Variants in PRSS48 observed in about 807,000 individuals in gnomAD.
PRSS48 encodes serine protease 48.
Under a neutral mutation model 25.6 loss-of-function variants are expected in PRSS48, and 21 were observed. The observed-to-expected ratio is 0.82, with a 90% CI of 0.58 to 1.18. PRSS48 has a LOEUF of 1.18. Ranked by LOEUF, PRSS48 falls within the 50% of genes most tolerant of loss-of-function variation. The pLI is 0.00. For missense variants in PRSS48, 373 were observed against 399.3 expected, an observed-to-expected ratio of 0.93 and a Z score of 0.56; for synonymous variants, 150 against 149.3, an observed-to-expected ratio of 1.00 and a Z score of -0.04.
At chr4:151,279,989 C>T in intron 2 of PRSS48, 31 bp downstream of exon 2, 1 of 1,316,350 alleles carries the variant, frequency 7.6e-7, no homozygotes, top group Non-Finnish European at 1.0e-6. Flanking sequence ...AACACACAGA[C>T]AGGTTCTCAG....
chr4:151,290,468 T>C (rs1464353693), intron 4 of PRSS48, among the ~76,000 whole-genome samples: 1 of 152,202 alleles, frequency 6.6e-6, no homozygotes, highest in African/African-American at 2.4e-5. Flanking sequence ...TCCATTTATA[T>C]GAAATGTCTA....
intron 4 of PRSS48, among the ~76,000 whole-genome samples, chr4:151,286,641 C>T (rs1195318528): frequency 1.3e-5 from 2 of 150,832 alleles, no homozygotes; most frequent in Admixed American, 1.3e-4. Context: ...AAGACCAGGT[C>T]CAGATAGAAT....
intron 4 of PRSS48, among the ~76,000 whole-genome samples, chr4:151,290,272 C>G (rs1775198076): frequency 6.6e-6 from 1 of 152,072 alleles, no homozygotes; most frequent in Non-Finnish European, 1.5e-5. Context: ...AATATAATAG[C>G]CCAAATAATG....
chr4:151,284,591 C>T (rs1366545632), intron 4 of PRSS48, among the ~76,000 whole-genome samples: 1 of 152,156 alleles, frequency 6.6e-6, no homozygotes, highest in African/African-American at 2.4e-5. Context: ...CCAACAATTG[C>T]TTTTTCTCAT....
intron 4 of PRSS48, 143 bp downstream of exon 4, chr4:151,283,429 C>T (rs1429149060): frequency 6.7e-6 from 4 of 600,378 alleles, no homozygotes; most frequent in Non-Finnish European, 1.1e-5. Flanking sequence ...GGACAAATCA[C>T]TTAACTTCTA....
In PRSS48 at chr4:151,283,296, TG is replaced by T. The variant is rs751441374; in HGVS notation, c.651+11del. 6.2e-7 allele frequency: 1 copy of T among 1,608,730 alleles called. No individual in the cohort carries two copies. The highest frequency in any genetic ancestry group is 2.2e-5 in the East Asian group (1 of 44,810). ...GAAGGATAGTTGCAAGGTCAGGGTT[TG>T]CTCTAGAGAATTTTTTTTTAAACAT... On this transcript the variant is annotated intron_variant, in intron 4 of 4. Transcript: ENST00000455694.
chr4:151,283,330 T>C, intron 4 of PRSS48, 44 bp downstream of exon 4: 1 of 1,573,250 alleles, frequency 6.4e-7, no homozygotes, highest in Non-Finnish European at 8.7e-7. Context: ...CATGAGATCT[T>C]AATTTGGATC....
intron 4 of PRSS48, among the ~76,000 whole-genome samples, chr4:151,290,617 G>T (rs1454186869): frequency 6.6e-6 from 1 of 152,144 alleles, no homozygotes; most frequent in Non-Finnish European, 1.5e-5. Context: ...GGGTTGTGGT[G>T]ATGGTTGTAC....
intron 4 of PRSS48, among the ~76,000 whole-genome samples, chr4:151,286,702 A>G (rs1329564658): frequency 6.6e-6 from 1 of 151,680 alleles, no homozygotes; most frequent in Non-Finnish European, 1.5e-5. Context: ...AATTCTGGCC[A>G]CAGGCAGTGG....
chr4:151,286,982 A>AAATAATAATAAT (rs113584974), intron 4 of PRSS48, among the ~76,000 whole-genome samples: 2,942 of 141,806 alleles, frequency 0.021, 92 homozygotes, highest in African/African-American at 0.069. Flanking sequence ...TCTGTCTCAA[A>AAATAATAATAAT]AATAATAATA....
intron 1 of PRSS48, among the ~76,000 whole-genome samples, chr4:151,278,749 GC>G (rs1338755911): frequency 1.3e-5 from 2 of 152,112 alleles, no homozygotes; most frequent in African/African-American, 4.8e-5. Context: ...TCCTGCTTCA[GC>G]CTCCCAAGTA....
Position 151,279,879 on chromosome 4 carries a change from C to T in PRSS48, c.136C>T (p.His46Tyr), listed in dbSNP as rs199971538. 149 of 1,461,106 alleles carry T rather than the reference C, an allele frequency of 1.0e-4. No individual in the cohort carries two copies. The African/African-American group carries it at 1.9e-3, about 19-fold the overall frequency. 90.5% of individuals were successfully genotyped at this position (1,461,106 alleles called of 1,614,324 possible). ...GCGCTGGCCTTGGCAGGTCAGCCTA[C>T]ACTTTGACCACAACTTTATCTGTGG... The change falls in exon 2 of 5, where the codon CAC becomes TAC. Residue 46 changes from histidine to tyrosine, a missense_variant. Physicochemically the swap from His to Tyr is moderately conservative, Grantham distance 83. Coordinates refer to ENST00000455694, the Ensembl canonical transcript of PRSS48.
In PRSS48 at chr4:151,291,361, A is replaced by C. The variant is rs746486111; in HGVS notation, c.895A>C (p.Thr299Pro). The C allele has an allele frequency of 4.3e-6, 7 of 1,613,938 alleles. No individual in the cohort carries two copies. In the South Asian group the frequency reaches 7.7e-5, roughly 18 times the overall value. Residue 299 changes from threonine to proline, a missense_variant, in exon 5 of 5, where the codon ACT becomes CCT. Transcript: ENST00000455694. ...TCCCTCCTGTGCCTTTGGACCTAAC[A>C]CTATACACAGAGTAGGCACTGTAGC...
At chr4:151,282,538 A>G in intron 3 of PRSS48, 125 bp downstream of exon 3, 1 of 916,742 alleles carries the variant, frequency 1.1e-6, no homozygotes, top group East Asian at 2.7e-5. Flanking sequence ...ATCTAATGAT[A>G]TTATCTATAA....
intron 2 of PRSS48, among the ~76,000 whole-genome samples, chr4:151,281,149 C>T (rs1037167982): frequency 6.6e-6 from 1 of 152,046 alleles, no homozygotes; most frequent in African/African-American, 2.4e-5. Flanking sequence ...AACAAGAGAG[C>T]AGAGGGCTCC....
At chr4:151,281,561 C>G (rs1324951564) in intron 2 of PRSS48, among the ~76,000 whole-genome samples, 1 of 152,056 alleles carries the variant, frequency 6.6e-6, no homozygotes, top group African/African-American at 2.4e-5. Flanking sequence ...CAAGAAACAG[C>G]TATATATAGG....
intron 4 of PRSS48, among the ~76,000 whole-genome samples, chr4:151,288,727 ATAATC>A (rs1326220139): frequency 2.0e-5 from 3 of 151,936 alleles, no homozygotes; most frequent in Non-Finnish European, 4.4e-5. Flanking sequence ...GTTGCAATGA[ATAATC>A]TAAGGAAACA....
At chr4:151,280,121 T>C (rs547417048) in intron 2 of PRSS48, among the ~76,000 whole-genome samples, 163 bp downstream of exon 2, 2 of 67,306 alleles carry the variant, frequency 3.0e-5, no homozygotes, top group Admixed American at 1.8e-4. Flanking sequence ...AGACAGGGCA[T>C]AGAAGTAGAA....
intron 3 of PRSS48, 41 bp downstream of exon 3, chr4:151,282,454 C>A: frequency 6.2e-7 from 1 of 1,602,044 alleles, no homozygotes. Context: ...ATATGTCATC[C>A]TCTTGTACTC....
Sources: allele counts gnomAD v4.1 joint callset (sites outside exome capture counted in the v4.1 genomes callset), GRCh38; gene constraint gnomAD v4.1.1; transcripts MANE v1.5; gene names NCBI Gene and HGNC (gene_info 2026-07-23, HGNC 2026-07-21).